The following AZIN2 variants were observed in gnomAD, a reference collection of about 807,000 sequenced individuals.
AZIN2 encodes ODC antizyme inhibitor-2.
In AZIN2, 28 loss-of-function variants were observed where a neutral mutation model predicts 47.8. That is an observed-to-expected ratio of 0.59 (90% CI 0.43 to 0.80). AZIN2 has a LOEUF of 0.80. Ranked by LOEUF, AZIN2 falls within the 30% of genes least tolerant of loss-of-function variation. The probability of loss-of-function intolerance (pLI) is 0.00; values close to 1 mark genes in which losing one functional copy is unlikely to be tolerated. For synonymous variants in AZIN2, 221 were observed against 239.4 expected (o/e 0.92, Z 0.71); for missense variants, 535 against 582.5 (o/e 0.92, Z 0.84).
downstream of AZIN2, among the ~76,000 whole-genome samples, chr1:33,126,685 G>A (rs574456656): frequency 2.2e-3 from 329 of 152,122 alleles, no homozygotes; most frequent in Non-Finnish European, 3.8e-3. Flanking sequence ...ATACACTAGT[G>A]AGCCCCAGGC....
downstream of AZIN2, among the ~76,000 whole-genome samples, chr1:33,126,440 T>C (rs1399543228): frequency 6.6e-6 from 1 of 152,250 alleles, no homozygotes; most frequent in East Asian, 1.9e-4. Context: ...TTTCTCCTAC[T>C]TTCTAGTGTG....
chr1:33,106,984 C>T lies in AZIN2; in HGVS notation c.1029+8805C>T, dbSNP rs1202745459. Among the ~76,000 whole-genome samples, 4 of 152,268 alleles carry T rather than the reference C, an allele frequency of 2.6e-5. No individual in the cohort carries two copies. The East Asian group carries it at 5.8e-4, about 22-fold the overall frequency. The stretch of plus-strand genomic sequence containing the variant: ...TGTCTCTGTTTGCAGATGACATTAT[C>T]TTATATATAGAAAACTCTAAGGCTT... On this transcript the variant is annotated intron_variant, in intron 10 of 11. Transcript: ENST00000294517.
intron 5 of AZIN2, among the ~76,000 whole-genome samples, chr1:33,086,385 G>A (rs1389302805): frequency 6.6e-6 from 1 of 152,146 alleles, no homozygotes; most frequent in African/African-American, 2.4e-5. Flanking sequence ...GGCTGAGCTG[G>A]GATTCAGCCA....
chr1:33,114,966 G>A (rs1474671780), intron 10 of AZIN2, among the ~76,000 whole-genome samples: 1 of 152,112 alleles, frequency 6.6e-6, no homozygotes, highest in Admixed American at 6.6e-5. Context: ...TTTAAAAGTT[G>A]AAGAATTATT....
At chr1:33,140,250 G>A in the AZIN2 span, among the ~76,000 whole-genome samples, 1 of 152,244 alleles carries the variant, frequency 6.6e-6, no homozygotes. The surrounding 1 kb of genome is among the most constrained non-coding windows in gnomAD (Gnocchi z 4.0). Flanking sequence ...TCATTGGTGA[G>A]TCAGAGACGG....
chr1:33,166,071 C>T, the AZIN2 span: 6 of 152,428 alleles, frequency 3.9e-5, no homozygotes, highest in African/African-American at 1.4e-4. Context: ...GCATTAGATT[C>T]TCACAGGAGT....
rs750610229 is a variant in AZIN2 at position 33,083,943 on chromosome 1, T to C, written c.106-11T>C. 13 of 1,613,876 alleles carry C rather than the reference T, an allele frequency of 8.1e-6. No homozygotes were observed. Among genetic ancestry groups the C allele is most frequent in the Non-Finnish European group, 1.1e-5 (13 of 1,180,022 alleles). ...ATGGGGTCTCACATTCATCCACTTC[T>C]TGTCATTCAGGACGAGGTAGCTGCC... On this transcript the variant is annotated splice_polypyrimidine_tract_variant and intron_variant, in intron 4 of 11. Coordinates refer to ENST00000294517, the MANE Select transcript of AZIN2 (RefSeq NM_052998.4).
At chr1:33,156,579 A>G in the AZIN2 span, among the ~76,000 whole-genome samples, 2 of 152,036 alleles carry the variant, frequency 1.3e-5, no homozygotes, top group South Asian at 4.2e-4. Context: ...CCTGACTTCT[A>G]GGAGTGTTCC....
chr1:33,160,003 T>A, the AZIN2 span: 14 of 1,569,258 alleles, frequency 8.9e-6, no homozygotes, highest in Non-Finnish European at 1.2e-5. Flanking sequence ...GATCTCTGGG[T>A]GAGAGGAGGA....
At chr1:33,153,187 G>A in the AZIN2 span, among the ~76,000 whole-genome samples, 1 of 152,148 alleles carries the variant, frequency 6.6e-6, no homozygotes, top group African/African-American at 2.4e-5. Flanking sequence ...GTCCCTGGGG[G>A]CACCCCTCCC....
chr1:33,132,789 A>G, the AZIN2 span, among the ~76,000 whole-genome samples: 1 of 152,314 alleles, frequency 6.6e-6, no homozygotes, highest in African/African-American at 2.4e-5. Flanking sequence ...GAAACCATGA[A>G]CCTTGTGGTT....
chr1:33,104,980 C>T (rs1023349984), intron 10 of AZIN2, among the ~76,000 whole-genome samples: 1 of 152,126 alleles, frequency 6.6e-6, no homozygotes, highest in African/African-American at 2.4e-5. Context: ...AGCCACCACG[C>T]CTGACCTGAT....
chr1:33,158,709 G>A, the AZIN2 span, among the ~76,000 whole-genome samples: 1 of 152,206 alleles, frequency 6.6e-6, no homozygotes, highest in Non-Finnish European at 1.5e-5. Flanking sequence ...ACAAACCAAT[G>A]ACTAAGTGTT....
At chr1:33,124,033 G>A (rs1247159592), downstream of AZIN2, among the ~76,000 whole-genome samples, 2 of 152,010 alleles carry the variant, frequency 1.3e-5, no homozygotes, top group Non-Finnish European at 2.9e-5. The surrounding 1 kb of genome is among the most constrained non-coding windows in gnomAD (Gnocchi z 4.6). Flanking sequence ...AGGCATGGTG[G>A]CGTGCACCTC....
chr1:33,103,668 C>T (rs931355632), intron 10 of AZIN2, among the ~76,000 whole-genome samples: 3 of 152,146 alleles, frequency 2.0e-5, no homozygotes, highest in Admixed American at 2.0e-4. Context: ...AGGGCAGCCA[C>T]GTTGTCCAGT....
intron 10 of AZIN2, among the ~76,000 whole-genome samples, chr1:33,099,202 A>G (rs1490811175): frequency 1.3e-5 from 2 of 152,022 alleles, no homozygotes; most frequent in Non-Finnish European, 2.9e-5. Context: ...AGTCAGTCAG[A>G]GGGGTCTTGA....
At chr1:33,155,419 C>T in the AZIN2 span, among the ~76,000 whole-genome samples, 4 of 151,940 alleles carry the variant, frequency 2.6e-5, no homozygotes, top group African/African-American at 9.7e-5. Context: ...GTTTGTGGAA[C>T]AGAAGAATGA....
the AZIN2 span, among the ~76,000 whole-genome samples, chr1:33,136,550 A>C: frequency 6.6e-6 from 1 of 151,458 alleles, no homozygotes; most frequent in Non-Finnish European, 1.5e-5. Context: ...TTGTATTTTT[A>C]GTAGAGACAG....
chr1:33,088,207 C>G (rs538545509), intron 5 of AZIN2, among the ~76,000 whole-genome samples: 36 of 152,298 alleles, frequency 2.4e-4, no homozygotes, highest in African/African-American at 8.4e-4. Flanking sequence ...GAGGAGATGC[C>G]TGGAACCCGG....
Sources: allele counts gnomAD v4.1 joint callset (sites outside exome capture counted in the v4.1 genomes callset), GRCh38; gene constraint gnomAD v4.1.1; non-coding constraint Gnocchi (gnomAD v3.1); transcripts MANE v1.5; gene names NCBI Gene and HGNC (gene_info 2026-07-23, HGNC 2026-07-21).